The following CYP7B1 variants were observed in gnomAD, a reference collection of about 807,000 sequenced individuals.
The protein encoded by CYP7B1 is cytochrome P450 7B1.
In CYP7B1, 29 loss-of-function variants were observed where a neutral mutation model predicts 42.7. The observed-to-expected ratio is 0.68, with a 90% CI of 0.51 to 0.93. CYP7B1 has a LOEUF of 0.93. Ranked by LOEUF, CYP7B1 falls within the 40% of genes least tolerant of loss-of-function variation. CYP7B1 has a pLI of 0.00. For missense variants in CYP7B1, 655 were observed against 600.5 expected (o/e 1.09, Z -0.95); for synonymous variants, 235 against 218.2 (o/e 1.08, Z -0.68).
At chr8:64,602,715 G>T (rs1230511745) in intron 5 of CYP7B1, among the ~76,000 whole-genome samples, 1 of 152,182 alleles carries the variant, frequency 6.6e-6, no homozygotes, top group Non-Finnish European at 1.5e-5. Context: ...GCTCACGGTA[G>T]ACTTTTCTAG....
chr8:64,752,054 C>T (rs1055550854), intron 1 of CYP7B1, among the ~76,000 whole-genome samples: 22 of 152,078 alleles, frequency 1.4e-4, no homozygotes, highest in African/African-American at 5.1e-4. Context: ...AAAAGCAACA[C>T]CATGATCCAC....
intron 1 of CYP7B1, among the ~76,000 whole-genome samples, chr8:64,666,006 G>C (rs4291305): frequency 8.5e-5 from 13 of 152,124 alleles, no homozygotes; most frequent in Non-Finnish European, 1.6e-4. Context: ...CATTTAAAAT[G>C]ATTTACTTTA....
chr8:64,728,082 T>A (rs975491078), intron 1 of CYP7B1: 3 of 152,228 alleles, frequency 2.0e-5, no homozygotes, highest in Non-Finnish European at 1.5e-5. Flanking sequence ...ATTCTTCTGT[T>A]AATGAGCATG....
intron 1 of CYP7B1, among the ~76,000 whole-genome samples, chr8:64,660,765 C>T (rs537217483): frequency 6.6e-6 from 1 of 152,294 alleles, no homozygotes; most frequent in Non-Finnish European, 1.5e-5. Context: ...TGAGGCATGA[C>T]TACCAGGATA....
intron 1 of CYP7B1, among the ~76,000 whole-genome samples, chr8:64,760,954 G>A (rs1385404653): frequency 6.6e-6 from 1 of 152,144 alleles, no homozygotes; most frequent in African/African-American, 2.4e-5. Flanking sequence ...TAACCTAAGT[G>A]TCTGTCAATG....
intron 1 of CYP7B1, among the ~76,000 whole-genome samples, chr8:64,687,649 A>G (rs1006202418): frequency 6.6e-6 from 1 of 152,248 alleles, no homozygotes; most frequent in Non-Finnish European, 1.5e-5. Flanking sequence ...TATGTAGCAT[A>G]TAACAGGTGC....
At chr8:64,657,076 G>A (rs908774674) in intron 1 of CYP7B1, among the ~76,000 whole-genome samples, 3 of 151,884 alleles carry the variant, frequency 2.0e-5, no homozygotes, top group Admixed American at 2.0e-4. Context: ...AAAGCAGTGT[G>A]AAAAACAAAA....
At chr8:64,757,345 A>G (rs965518903) in intron 1 of CYP7B1, among the ~76,000 whole-genome samples, 1 of 152,258 alleles carries the variant, frequency 6.6e-6, no homozygotes, top group Non-Finnish European at 1.5e-5. Flanking sequence ...AAACTGGGAC[A>G]TAATAGGTAT....
At chr8:64,625,481 A>G (rs542316273) in intron 1 of CYP7B1, among the ~76,000 whole-genome samples, 1 of 152,348 alleles carries the variant, frequency 6.6e-6, no homozygotes, top group East Asian at 1.9e-4. Flanking sequence ...ACTCTATGAA[A>G]TTGTTAGTTA....
intron 1 of CYP7B1, among the ~76,000 whole-genome samples, chr8:64,633,416 C>A (rs1178943325): frequency 6.6e-6 from 1 of 152,022 alleles, no homozygotes; most frequent in East Asian, 1.9e-4. Flanking sequence ...TTGCAAGGTA[C>A]AAGATTAATA....
At chr8:64,790,177 T>A (rs924750522) in intron 1 of CYP7B1, among the ~76,000 whole-genome samples, 6 of 152,182 alleles carry the variant, frequency 3.9e-5, no homozygotes, top group African/African-American at 1.4e-4. Context: ...CTTCTCTGAA[T>A]AACATTAAGG....
chr8:64,670,417 T>C (rs1373751874), intron 1 of CYP7B1, among the ~76,000 whole-genome samples: 4 of 152,156 alleles, frequency 2.6e-5, no homozygotes, highest in Non-Finnish European at 5.9e-5. Context: ...GAAAAAAAGA[T>C]AGGCTTCTGC....
intron 1 of CYP7B1, among the ~76,000 whole-genome samples, chr8:64,633,888 T>C (rs941823067): frequency 6.6e-6 from 1 of 152,168 alleles, no homozygotes; most frequent in Non-Finnish European, 1.5e-5. Flanking sequence ...AGTGTGGTAT[T>C]GATGAAAGAA....
At chr8:64,604,380 G>A (rs1805244675) in intron 5 of CYP7B1, among the ~76,000 whole-genome samples, 1 of 152,160 alleles carries the variant, frequency 6.6e-6, no homozygotes, top group South Asian at 2.1e-4. Flanking sequence ...TCTCCACCAA[G>A]CAAAATGTAA....
At chr8:64,749,640 C>T (rs779085023) in intron 1 of CYP7B1, among the ~76,000 whole-genome samples, 2 of 152,124 alleles carry the variant, frequency 1.3e-5, no homozygotes, top group Non-Finnish European at 2.9e-5. Context: ...GTTCATGTGG[C>T]TATATTTCTA....
intron 1 of CYP7B1, among the ~76,000 whole-genome samples, chr8:64,677,371 C>T (rs1256052830): frequency 1.5e-5 from 2 of 135,286 alleles, no homozygotes; most frequent in Non-Finnish European, 3.1e-5. Context: ...TAAATAACAG[C>T]TAATAAGAGC....
chr8:64,727,338 T>A (rs556292298), intron 1 of CYP7B1, among the ~76,000 whole-genome samples: 2 of 152,340 alleles, frequency 1.3e-5, no homozygotes, highest in African/African-American at 4.8e-5. Flanking sequence ...CCAAATGACA[T>A]AATTCCCTAG....
chr8:64,791,545 G>A (rs1443095242), intron 1 of CYP7B1, among the ~76,000 whole-genome samples: 2 of 152,202 alleles, frequency 1.3e-5, no homozygotes, highest in African/African-American at 4.8e-5. Flanking sequence ...AAGGGCCCAT[G>A]ACCTAGGTCT....
chr8:64,630,973 T>C (rs770414738), intron 1 of CYP7B1, among the ~76,000 whole-genome samples: 1 of 152,186 alleles, frequency 6.6e-6, no homozygotes, highest in African/African-American at 2.4e-5. Context: ...GACAGTGACC[T>C]GGGAAAAACT....
Sources: allele counts gnomAD v4.1 joint callset (sites outside exome capture counted in the v4.1 genomes callset), GRCh38; gene constraint gnomAD v4.1.1; transcripts MANE v1.5; gene names NCBI Gene and HGNC (gene_info 2026-07-23, HGNC 2026-07-21).